EDDM13: variants seen among roughly 807,000 people sequenced by gnomAD.
EDDM13 encodes epididymal protein 13.
A neutral mutation model predicts 17.8 loss-of-function variants in EDDM13; 24 were observed. That is an observed-to-expected ratio of 1.35 (90% CI 0.98 to 1.90). The LOEUF (loss-of-function observed/expected upper bound fraction) is 1.90, where lower values mean the gene tolerates loss of function less well. Ranked by LOEUF, EDDM13 falls within the 40% of genes most tolerant of loss-of-function variation. The pLI, the probability that EDDM13 is intolerant of heterozygous loss-of-function variation, is 0.00. For synonymous variants in EDDM13, 31 were observed against 37.5 expected (o/e 0.83, Z 0.63); for missense variants, 97 against 100.8 (o/e 0.96, Z 0.16).
intron 6 of EDDM13, 92 bp downstream of exon 6, chr19:56,285,116 G>C: frequency 4.9e-6 from 3 of 611,412 alleles, no homozygotes; most frequent in Non-Finnish European, 6.1e-6. Context: ...TTTAGGTAGA[G>C]TCTAAAGAAC....
At chr19:56,293,508 G>A (rs1048998937) in intron 9 of EDDM13, among the ~76,000 whole-genome samples, 13 of 152,148 alleles carry the variant, frequency 8.5e-5, no homozygotes, top group Admixed American at 4.6e-4. Context: ...AGGGAAAGAG[G>A]AACTGGCAGA....
At position 56,302,660 on chromosome 19, in the gene EDDM13, T is replaced by C. The variant is rs557239890; in HGVS notation, c.423+565T>C. The stretch of plus-strand genomic sequence containing the variant: ...CCCTTCCTTTTCTTCCCCCCCTCCC[T>C]GTTCTTTCCTTCCTCCTTCCCTCCT... On this transcript the variant is annotated intron_variant, in intron 13 of 14. Coordinates refer to ENST00000649256, the MANE Select transcript of EDDM13 (RefSeq NM_001354658.2). Among the ~76,000 whole-genome samples, 243 of 88,674 alleles carry C rather than the reference T, an allele frequency of 2.7e-3. 1 individual carries two copies. Among genetic ancestry groups the C allele is most frequent in the Middle Eastern group, 7.2e-3 (1 of 138 alleles). 58.2% of individuals were successfully genotyped at this position (88,674 alleles called of 152,430 possible).
intron 2 of EDDM13, chr19:56,280,817 C>T (rs2038636467): frequency 6.6e-6 from 1 of 152,132 alleles, no homozygotes; most frequent in African/African-American, 2.4e-5. Context: ...GACCTAAATA[C>T]CTCCCATTAG....
Position 56,295,394 on chromosome 19 carries a change from G to C in EDDM13, c.233-565G>C, listed in dbSNP as rs545018078. On this transcript the variant is annotated intron_variant, in intron 9 of 14. Coordinates refer to ENST00000649256, the MANE Select transcript of EDDM13 (RefSeq NM_001354658.2). ...GGATCACCTCAGGTCAGGAGTTCTA[G>C]ACCAGCCTGGCCAACGTGGTGAAAC... Among the ~76,000 whole-genome samples the C allele has an allele frequency of 2.0e-5, 3 of 152,184 alleles. No individual in the cohort carries two copies. In the South Asian group the frequency reaches 6.2e-4, roughly 32 times the overall value.
intron 6 of EDDM13, among the ~76,000 whole-genome samples, chr19:56,287,139 G>T (rs1028652747): frequency 3.3e-5 from 5 of 152,152 alleles, no homozygotes; most frequent in Non-Finnish European, 7.4e-5. Flanking sequence ...GACAGTTTCC[G>T]AGTTTTGTCC....
chr19:56,304,814 T>C lies in EDDM13; in HGVS notation c.445T>C (p.Leu149=), dbSNP rs2040577131. 9 of 985,074 alleles carry C rather than the reference T, an allele frequency of 9.1e-6. No individual in the cohort carries two copies. Among genetic ancestry groups the C allele is most frequent in the Non-Finnish European group, 1.1e-5 (9 of 829,626 alleles). 61.0% of individuals were successfully genotyped at this position (985,074 alleles called of 1,614,324 possible). Residue 149 remains leucine, a synonymous_variant, in exon 14 of 15, where the codon TTG becomes CTG. Coordinates refer to ENST00000649256, the MANE Select transcript of EDDM13 (RefSeq NM_001354658.2). ...CAAGTGTTACTGCCACTACTGTAAC[T>C]TGGAACTGGACATCAGGTATGCTAT... ...GDWCYCHYCN[L]ELDIRDDPCC...
intron 1 of EDDM13, among the ~76,000 whole-genome samples, chr19:56,273,233 G>C (rs2037985966): frequency 6.6e-6 from 1 of 152,064 alleles, no homozygotes; most frequent in East Asian, 1.9e-4. Context: ...CCAGTTCATG[G>C]GACTGTTGCA....
intron 9 of EDDM13, among the ~76,000 whole-genome samples, chr19:56,294,252 C>T (rs1294067502): frequency 1.3e-5 from 2 of 152,112 alleles, no homozygotes; most frequent in South Asian, 2.1e-4. Flanking sequence ...CTGTACTGGG[C>T]GATTCACGTG....
At chr19:56,292,927 A>G (rs2039614831) in intron 9 of EDDM13, among the ~76,000 whole-genome samples, 1 of 152,168 alleles carries the variant, frequency 6.6e-6, no homozygotes, top group South Asian at 2.1e-4. Flanking sequence ...GCAATACTCC[A>G]TTGCATGGAT....
At chr19:56,293,518 A>G (rs967185423) in intron 9 of EDDM13, among the ~76,000 whole-genome samples, 4 of 152,200 alleles carry the variant, frequency 2.6e-5, no homozygotes, top group Admixed American at 2.0e-4. Flanking sequence ...GAACTGGCAG[A>G]GAGTGTGCAC....
In EDDM13 at chr19:56,308,326, CCA is replaced by C. The variant is rs2040831769; in HGVS notation, c.462-1797_462-1796del. On this transcript the variant is annotated intron_variant, in intron 14 of 14. Transcript: ENST00000649256. The stretch of plus-strand genomic sequence containing the variant: ...GGATTACAGGCGTGAGCGGTGGCTC[CCA>C]GTCTTTTTTTTTTGAGATGGAGGCT... Among the ~76,000 whole-genome samples the C allele has an allele frequency of 1.1e-4, 15 of 140,998 alleles. No individual in the cohort carries two copies. In the South Asian group the frequency reaches 3.5e-3, roughly 33 times the overall value. The allele number at this position is 140,998 out of a possible 152,430, so 92.5% of individuals were successfully genotyped here.
At chr19:56,273,752 G>A (rs1378094982) in intron 1 of EDDM13, among the ~76,000 whole-genome samples, 1 of 152,186 alleles carries the variant, frequency 6.6e-6, no homozygotes, top group East Asian at 1.9e-4. Context: ...CAGGAGGCAG[G>A]AAACAGAACA....
At chr19:56,299,041 A>G (rs2040061022) in intron 12 of EDDM13, among the ~76,000 whole-genome samples, 1 of 152,242 alleles carries the variant, frequency 6.6e-6, no homozygotes, top group Admixed American at 6.5e-5. Flanking sequence ...AAAAACAAAT[A>G]TATGGTATTC....
chr19:56,304,853 G>C (rs1303664110), intron 14 of EDDM13, 23 bp downstream of exon 14: 1 of 967,440 alleles, frequency 1.0e-6, no homozygotes, highest in Non-Finnish European at 1.2e-6. Context: ...AGGGAAGTGG[G>C]CTTTTCCCAC....
At chr19:56,305,012 CA>C in intron 14 of EDDM13, among the ~76,000 whole-genome samples, 182 bp downstream of exon 14, 1 of 152,288 alleles carries the variant, frequency 6.6e-6, no homozygotes, top group East Asian at 1.9e-4. Flanking sequence ...CACTGCCTGA[CA>C]GGGGCAAGGA....
At chr19:56,298,949 G>C (rs2040055588) in intron 12 of EDDM13, among the ~76,000 whole-genome samples, 1 of 152,156 alleles carries the variant, frequency 6.6e-6, no homozygotes. Flanking sequence ...CTAAATATTA[G>C]CAAGTGCAAT....
In EDDM13 at chr19:56,279,992, A is replaced by G. The variant is rs1329860840; in HGVS notation, c.104-1701A>G. Among the ~76,000 whole-genome samples, 3 of 152,208 alleles carry G rather than the reference A, an allele frequency of 2.0e-5. No individual in the cohort carries two copies. The East Asian group carries it at 5.8e-4, about 29-fold the overall frequency. ...TAAAATAAGATTTCCAGGGTTCAGA[A>G]TTAAAGAAGTTCTCAAGGTTATACT... is the stretch of plus-strand genomic sequence containing the variant. On this transcript the variant is annotated intron_variant, in intron 2 of 14. Transcript: ENST00000649256.
At chr19:56,292,809 T>C (rs2039606900) in intron 9 of EDDM13, among the ~76,000 whole-genome samples, 1 of 152,234 alleles carries the variant, frequency 6.6e-6, no homozygotes, top group Non-Finnish European at 1.5e-5. Context: ...AGAAGTAGAA[T>C]CGTACACGAT....
rs550913031 is a variant in EDDM13, at chr19:56,309,411, C to T, written c.462-713C>T. Among the ~76,000 whole-genome samples, 10 of 152,288 alleles carry T rather than the reference C, an allele frequency of 6.6e-5. No individual in the cohort carries two copies. The East Asian group carries it at 1.3e-3, about 21-fold the overall frequency. On this transcript the variant is annotated intron_variant, in intron 14 of 14. Transcript: ENST00000649256. Reference sequence around the variant, plus strand: ...AACATGGCGAATGTAATGAAGGCCACTAAATTGTGCCCTTTCAAAATGGTT... The same window carrying T: ...AACATGGCGAATGTAATGAAGGCCATTAAATTGTGCCCTTTCAAAATGGTT...
Sources: allele counts gnomAD v4.1 joint callset (sites outside exome capture counted in the v4.1 genomes callset), GRCh38; gene constraint gnomAD v4.1.1; transcripts MANE v1.5; gene names NCBI Gene and HGNC (gene_info 2026-07-23, HGNC 2026-07-21).